NKAIN3: variants seen among roughly 807,000 people sequenced by gnomAD.
The protein encoded by NKAIN3 is sodium/potassium-transporting ATPase subunit beta-1-interacting protein 3.
NKAIN3 carries 25 observed loss-of-function variants against 30.2 expected under a neutral mutation model. The observed-to-expected ratio is 0.83, with a 90% confidence interval of 0.60 to 1.16. The LOEUF (loss-of-function observed/expected upper bound fraction) is 1.16, where lower values mean the gene tolerates loss of function less well. NKAIN3 is among the 50% of genes most tolerant of loss of function. The probability of loss-of-function intolerance (pLI) is 0.00; values close to 1 mark genes in which losing one functional copy is unlikely to be tolerated. For synonymous variants in NKAIN3, 91 were observed against 89.6 expected (o/e 1.02, Z -0.09); for missense variants, 225 against 254.1 (o/e 0.89, Z 0.78).
chr8:62,573,625 G>A (rs16929191), intron 1 of NKAIN3, among the ~76,000 whole-genome samples: 3 of 151,634 alleles, frequency 2.0e-5, no homozygotes, highest in African/African-American at 7.3e-5. Context: ...TCTTTATAGT[G>A]TACAGATTCT....
chr8:62,345,083 G>T lies in NKAIN3; in HGVS notation c.54+95956G>T, dbSNP rs181656852. ...TTTGGTAGCTATTGGAAATGGGATT[G>T]CTTTCTTGATTTCATTTTCAGATAT... On this transcript the variant is annotated intron_variant, in intron 1 of 6. Transcript: ENST00000623646. Among the ~76,000 whole-genome samples, 20 of 151,700 alleles carry T rather than the reference G, an allele frequency of 1.3e-4. No individual in the cohort carries two copies. In the East Asian group the frequency reaches 3.7e-3, roughly 28 times the overall value.
chr8:62,741,392 A>C (rs1586150487), intron 3 of NKAIN3, among the ~76,000 whole-genome samples: 4 of 150,110 alleles, frequency 2.7e-5, no homozygotes. Flanking sequence ...GGAAGGAAGG[A>C]AGGAAGGAAG....
intron 3 of NKAIN3, among the ~76,000 whole-genome samples, chr8:62,621,608 CTTAA>C (rs1253477542): frequency 2.6e-5 from 4 of 151,990 alleles, no homozygotes; most frequent in Non-Finnish European, 5.9e-5. Context: ...AAAACCATGT[CTTAA>C]TTAAACTTCA....
chr8:62,988,778 C>T (rs1231445725), downstream of NKAIN3, among the ~76,000 whole-genome samples: 1 of 152,244 alleles, frequency 6.6e-6, no homozygotes, highest in South Asian at 2.1e-4. Flanking sequence ...AGCATTTCAG[C>T]TCCTCATTAC....
intron 3 of NKAIN3, among the ~76,000 whole-genome samples, chr8:62,659,610 G>C (rs1812876554): frequency 1.3e-5 from 2 of 152,176 alleles, no homozygotes; most frequent in African/African-American, 2.4e-5. Flanking sequence ...GCTGCTTCTT[G>C]ATTGTTGTGT....
chr8:62,313,747 A>ACTG (rs1422282003), intron 1 of NKAIN3, among the ~76,000 whole-genome samples: 1 of 152,166 alleles, frequency 6.6e-6, no homozygotes. Flanking sequence ...TAAGAATTTC[A>ACTG]GCACCATTTT....
intron 4 of NKAIN3, among the ~76,000 whole-genome samples, chr8:62,915,626 C>T (rs1051006729): frequency 1.3e-5 from 2 of 152,094 alleles, no homozygotes; most frequent in Non-Finnish European, 2.9e-5. Context: ...CAAGAGAGTT[C>T]TTGATTTACA....
intron 1 of NKAIN3, among the ~76,000 whole-genome samples, chr8:62,532,865 C>T (rs1287681832): frequency 6.6e-6 from 1 of 152,180 alleles, no homozygotes; most frequent in East Asian, 1.9e-4. Context: ...CTCCACATCC[C>T]ATGTTGTTGC....
At chr8:62,685,829 T>A (rs1813784391) in intron 3 of NKAIN3, among the ~76,000 whole-genome samples, 1 of 152,230 alleles carries the variant, frequency 6.6e-6, no homozygotes, top group African/African-American at 2.4e-5. Context: ...TGTTCTCAGA[T>A]AATTGGCAGA....
intron 4 of NKAIN3, among the ~76,000 whole-genome samples, chr8:62,910,674 C>A (rs1821902295): frequency 6.6e-6 from 1 of 151,866 alleles, no homozygotes; most frequent in African/African-American, 2.4e-5. Context: ...CTTTCCAGTC[C>A]TCTTACAACA....
At chr8:62,725,212 A>G (rs1815216711) in intron 3 of NKAIN3, among the ~76,000 whole-genome samples, 1 of 152,024 alleles carries the variant, frequency 6.6e-6, no homozygotes, top group Non-Finnish European at 1.5e-5. Flanking sequence ...TCTTTTGCCT[A>G]TTTTTAAATC....
At chr8:62,807,005 A>G (rs1818314339) in intron 4 of NKAIN3, among the ~76,000 whole-genome samples, 1 of 151,964 alleles carries the variant, frequency 6.6e-6, no homozygotes, top group African/African-American at 2.4e-5. Context: ...CCAAAATCAT[A>G]ACTAGAATAT....
intron 3 of NKAIN3, among the ~76,000 whole-genome samples, chr8:62,686,841 A>G (rs1813813782): frequency 6.6e-6 from 1 of 152,176 alleles, no homozygotes; most frequent in African/African-American, 2.4e-5. Context: ...TAAGTAAACA[A>G]CCACATGCAT....
intron 1 of NKAIN3, among the ~76,000 whole-genome samples, chr8:62,552,008 C>A (rs970499971): frequency 1.3e-5 from 2 of 152,218 alleles, no homozygotes; most frequent in Admixed American, 6.5e-5. Context: ...CCATTATGTT[C>A]TTTATGCCTT....
At chr8:62,760,382 G>A (rs1030100889) in intron 4 of NKAIN3, among the ~76,000 whole-genome samples, 1 of 152,124 alleles carries the variant, frequency 6.6e-6, no homozygotes, top group Non-Finnish European at 1.5e-5. Flanking sequence ...AACTCAAATG[G>A]CCAACAATGA....
intron 3 of NKAIN3, among the ~76,000 whole-genome samples, chr8:62,740,503 A>G (rs1357290162): frequency 6.6e-6 from 1 of 152,170 alleles, no homozygotes; most frequent in Non-Finnish European, 1.5e-5. Context: ...GTCCATTTCT[A>G]GAAATAGAAA....
At chr8:62,928,298 A>G (rs555158142) in intron 5 of NKAIN3, among the ~76,000 whole-genome samples, 2 of 152,178 alleles carry the variant, frequency 1.3e-5, no homozygotes, top group Non-Finnish European at 2.9e-5. Context: ...ATTTTTCCTC[A>G]TAGAAGGAAA....
At chr8:62,398,313 A>G (rs918373259) in intron 1 of NKAIN3, among the ~76,000 whole-genome samples, 10 of 152,200 alleles carry the variant, frequency 6.6e-5, no homozygotes, top group African/African-American at 1.7e-4. Flanking sequence ...TCCTGCTGTA[A>G]CATCCTTTGC....
intron 3 of NKAIN3, among the ~76,000 whole-genome samples, chr8:62,590,298 C>T (rs1490482238): frequency 6.6e-6 from 1 of 151,778 alleles, no homozygotes; most frequent in Non-Finnish European, 1.5e-5. Flanking sequence ...AATGCATCAG[C>T]GTGGTGATTC....
Sources: allele counts gnomAD v4.1 joint callset (sites outside exome capture counted in the v4.1 genomes callset), GRCh38; gene constraint gnomAD v4.1.1; transcripts MANE v1.5; gene names NCBI Gene and HGNC (gene_info 2026-07-23, HGNC 2026-07-21).